Variants in TMEM132B observed in about 807,000 individuals in gnomAD.
TMEM132B encodes transmembrane protein 132B.
TMEM132B carries 18 observed loss-of-function variants against 90.8 expected under a neutral mutation model. That is an observed-to-expected ratio of 0.20 (90% confidence interval 0.14 to 0.29). TMEM132B has a LOEUF of 0.29. TMEM132B is among the 10% of genes least tolerant of loss of function. The pLI is 1.00. For missense variants in TMEM132B, 1,096 were observed against 1,326.8 expected, an observed-to-expected ratio of 0.83 and a Z score of 2.70; for synonymous variants, 504 against 523.3, an observed-to-expected ratio of 0.96 and a Z score of 0.50.
chr12:125,437,157 C>T (rs563658739), intron 3 of TMEM132B, among the ~76,000 whole-genome samples: 1 of 152,260 alleles, frequency 6.6e-6, no homozygotes, highest in South Asian at 2.1e-4. Context: ...GGAGGGGCTG[C>T]CTGGGAGGGA....
intron 3 of TMEM132B, among the ~76,000 whole-genome samples, chr12:125,467,456 T>G (rs922288793): frequency 1.1e-4 from 17 of 151,924 alleles, no homozygotes; most frequent in Non-Finnish European, 2.4e-4. Context: ...CTTCTTCTCC[T>G]TTGGAAAAAG....
chr12:125,594,784 G>A (rs1348535281), intron 5 of TMEM132B, among the ~76,000 whole-genome samples: 1 of 152,114 alleles, frequency 6.6e-6, no homozygotes, highest in Non-Finnish European at 1.5e-5. Context: ...TATCCAATAT[G>A]TGATTTGAAA....
intron 5 of TMEM132B, among the ~76,000 whole-genome samples, chr12:125,603,895 G>A (rs1465826830): frequency 6.6e-6 from 1 of 152,198 alleles, no homozygotes; most frequent in African/African-American, 2.4e-5. Flanking sequence ...ACCACAATGA[G>A]ATACCATCTC....
intron 3 of TMEM132B, among the ~76,000 whole-genome samples, chr12:125,421,331 T>C (rs1180109231): frequency 6.6e-6 from 1 of 152,224 alleles, no homozygotes; most frequent in Non-Finnish European, 1.5e-5. Context: ...TGACTTACAG[T>C]TCCACATGGC....
At chr12:125,612,387 C>T (rs1452167863) in intron 5 of TMEM132B, among the ~76,000 whole-genome samples, 1 of 151,518 alleles carries the variant, frequency 6.6e-6, no homozygotes, top group East Asian at 1.9e-4. Flanking sequence ...CGCTTGAACC[C>T]GGGAGGTGGA....
intron 1 of TMEM132B, among the ~76,000 whole-genome samples, chr12:125,271,017 C>G (rs1874825460): frequency 6.6e-6 from 1 of 151,608 alleles, no homozygotes; most frequent in Admixed American, 6.6e-5. Flanking sequence ...GGGGTGCAAG[C>G]CTAGCTTACT....
rs182913818 is a variant in TMEM132B, at chr12:125,555,909, G to A, written c.1294-27942G>A. 6.8e-4 allele frequency among the ~76,000 whole-genome samples: 103 copies of A among 152,246 alleles called. 2 individuals carry two copies. The East Asian group carries it at 0.019, about 28-fold the overall frequency. On this transcript the variant is annotated intron_variant, in intron 4 of 8. Coordinates refer to ENST00000682704, the MANE Select transcript of TMEM132B (RefSeq NM_001366854.1). Reference sequence around the variant, plus strand: ...GTGTTAAAATGGATGGGGGACCCAAGGATAAGATAAGCTGTCATGCAACTT... The same window carrying A: ...GTGTTAAAATGGATGGGGGACCCAAAGATAAGATAAGCTGTCATGCAACTT...
intron 5 of TMEM132B, among the ~76,000 whole-genome samples, chr12:125,600,760 G>T (rs1258231917): frequency 1.3e-5 from 2 of 152,066 alleles, no homozygotes; most frequent in Non-Finnish European, 2.9e-5. Flanking sequence ...ACAAAATAAA[G>T]GGATGGAGGA....
intron 1 of TMEM132B, among the ~76,000 whole-genome samples, chr12:125,292,494 C>A (rs946573811): frequency 3.3e-5 from 5 of 152,344 alleles, no homozygotes; most frequent in African/African-American, 1.2e-4. Flanking sequence ...GACAATGTAG[C>A]AGCTACAAAT....
At chr12:125,558,248 G>A (rs951291545) in intron 4 of TMEM132B, among the ~76,000 whole-genome samples, 6 of 152,140 alleles carry the variant, frequency 3.9e-5, no homozygotes, top group African/African-American at 7.2e-5. Context: ...GCTCTGCCCT[G>A]CCATCTGTAA....
At chr12:125,444,603 A>G (rs1245943482) in intron 3 of TMEM132B, among the ~76,000 whole-genome samples, 1 of 152,186 alleles carries the variant, frequency 6.6e-6, no homozygotes, top group African/African-American at 2.4e-5. Flanking sequence ...TGATACTTTT[A>G]AGATTTATTA....
chr12:125,635,841 G>A (rs2137006750), intron 5 of TMEM132B, among the ~76,000 whole-genome samples: 1 of 152,284 alleles, frequency 6.6e-6, no homozygotes, highest in Non-Finnish European at 1.5e-5. Flanking sequence ...AGTTAGAATG[G>A]CGATCGTTAA....
intron 3 of TMEM132B, among the ~76,000 whole-genome samples, chr12:125,477,793 G>A (rs1239983650): frequency 5.9e-5 from 9 of 152,176 alleles, no homozygotes; most frequent in African/African-American, 9.7e-5. Flanking sequence ...CCCCTCAAGT[G>A]GGTCCCTGAC....
intron 1 of TMEM132B, among the ~76,000 whole-genome samples, chr12:125,287,452 C>A (rs763290517): frequency 6.6e-6 from 1 of 152,030 alleles, no homozygotes; most frequent in Non-Finnish European, 1.5e-5. Context: ...TCTCTAGCAC[C>A]TAAGTAACTA....
chr12:125,226,558 T>C (rs1178657769), intron 1 of TMEM132B, among the ~76,000 whole-genome samples: 2 of 152,216 alleles, frequency 1.3e-5, no homozygotes, highest in African/African-American at 4.8e-5. Flanking sequence ...GTCTACTTCC[T>C]TCCAGACAGG....
At chr12:125,250,895 C>A (rs1874303060) in intron 1 of TMEM132B, among the ~76,000 whole-genome samples, 1 of 152,184 alleles carries the variant, frequency 6.6e-6, no homozygotes, top group African/African-American at 2.4e-5. Flanking sequence ...CTGAGTCTTC[C>A]TTTATTCCCT....
At chr12:125,231,110 C>A (rs951493784) in intron 1 of TMEM132B, among the ~76,000 whole-genome samples, 6 of 152,138 alleles carry the variant, frequency 3.9e-5, no homozygotes, top group Non-Finnish European at 5.9e-5. Context: ...TCCTTCCTTG[C>A]CTCTTCCAGC....
chr12:125,543,449 C>T (rs754287934), intron 4 of TMEM132B, among the ~76,000 whole-genome samples: 1 of 152,194 alleles, frequency 6.6e-6, no homozygotes, highest in Non-Finnish European at 1.5e-5. Flanking sequence ...TTAAACTACA[C>T]AGCAGGATAT....
chr12:125,600,010 G>A (rs1399640185), intron 5 of TMEM132B, among the ~76,000 whole-genome samples: 1 of 152,176 alleles, frequency 6.6e-6, no homozygotes, highest in Non-Finnish European at 1.5e-5. Flanking sequence ...TGGACAGGTG[G>A]GGGCTAGATT....
Sources: gnomAD v4.1 joint callset for allele counts (sites outside exome capture counted in the v4.1 genomes callset) on GRCh38, gnomAD v4.1.1 for gene constraint, MANE v1.5 for transcripts, NCBI Gene and HGNC (gene_info 2026-07-23, HGNC 2026-07-21) for gene names.